The following AQP4 variants were observed in gnomAD, a reference collection of about 807,000 sequenced individuals.
AQP4 encodes the protein aquaporin-4.
In AQP4, 18 loss-of-function variants were observed where a neutral mutation model predicts 27.8. The ratio of observed to expected loss-of-function variants is 0.65; its 90% CI spans 0.45 to 0.96. The LOEUF is 0.96. Among genes scored for constraint, AQP4 ranks in the 40% least tolerant of loss-of-function variants. AQP4 has a pLI of 0.00. For missense variants in AQP4, 412 were observed against 408.2 expected (o/e 1.01, Z -0.08); for synonymous variants, 141 against 142.9 (o/e 0.99, Z 0.10).
In AQP4 at chr18:26,862,366, A is replaced by G; in HGVS notation, c.263T>C (p.Phe88Ser). ...GATGTGGCCACCGCTGATATGGCCA[A>G]AGCACTGCACCATGGTTGCAATGCT... ...GLSIATMVQC[F>S]GHISGGHINP... The change falls in exon 2 of 5, where the codon TTT becomes TCT. Residue 88 changes from phenylalanine (F) to serine (S), a missense_variant. Physicochemically the swap from Phe to Ser is radical, Grantham distance 155. Transcript: ENST00000383168. The G allele has an allele frequency of 6.2e-7, 1 of 1,614,202 alleles. No homozygotes were observed. The highest frequency in any genetic ancestry group is 8.5e-7 in the Non-Finnish European group (1 of 1,180,030).
rs1269184842 is a variant in AQP4, at chr18:26,853,360, T to C, written c.*2851A>G. On this transcript the variant is annotated 3_prime_UTR_variant, in exon 5 of 5. Coordinates refer to ENST00000383168, the MANE Select transcript of AQP4 (RefSeq NM_001650.7). ...TTGAAGAAAATGTTATCTTCAACAA[T>C]GGAAACATACATTGAAATTCTGGTC... The C allele has an allele frequency of 6.5e-6, 1 of 152,846 alleles. No individual in the cohort carries two copies. The highest frequency in any genetic ancestry group is 1.5e-5 in the Non-Finnish European group (1 of 68,502). The allele number at this position is 152,846 out of a possible 1,614,324, so 9.5% of individuals were successfully genotyped here.
rs56027623 is a variant in AQP4, at chr18:26,863,994, T to TGG, written c.33-1400_33-1399dup. 7.7e-3 allele frequency among the ~76,000 whole-genome samples: 1,121 copies of TGG among 146,010 alleles called. 4 individuals are homozygous for TGG. The highest frequency in any genetic ancestry group is 0.011 in the African/African-American group (446 of 38,900). ...CAGGAAATGGCTAGGATTCCCCTTT[T>TGG]GGGGGGGGGGGGCAATTACCCCAGT... On this transcript the variant is annotated intron_variant, in intron 1 of 4. Coordinates refer to ENST00000383168, the MANE Select transcript of AQP4 (RefSeq NM_001650.7).
At chr18:26,859,257 C>A (rs951227148) in intron 4 of AQP4, among the ~76,000 whole-genome samples, 1 of 152,226 alleles carries the variant, frequency 6.6e-6, no homozygotes, top group Non-Finnish European at 1.5e-5. Flanking sequence ...CTGTGGCTCA[C>A]GCCTGTAATC....
rs1233277666 is a variant in AQP4, at chr18:26,862,234, A to G, written c.395T>C (p.Ile132Thr). 2 of 1,614,106 alleles carry G rather than the reference A, an allele frequency of 1.2e-6. No individual in the cohort carries two copies. Among genetic ancestry groups the G allele is most frequent in the Admixed American group, 3.3e-5 (2 of 60,016 alleles). Residue 132 changes from isoleucine (I) to threonine (T), a missense_variant, in exon 2 of 5, where the codon ATC (isoleucine) becomes ACC (threonine). Ile to Thr is a moderately conservative substitution (Grantham distance 89, BLOSUM62 -1). Coordinates refer to ENST00000383168, the MANE Select transcript of AQP4 (RefSeq NM_001650.7). The stretch of plus-strand genomic sequence containing the variant: ...ACTGGGAGGTGTGACCAGATAGAGG[A>G]TTCCTGCTCCAATGATGGCCCCCAG... Reference protein sequence around the residue: ...QCLGAIIGAGILYLVTPPSVV... With the variant: ...QCLGAIIGAGTLYLVTPPSVV...
At chr18:26,858,302 T>G (rs78945791) in intron 4 of AQP4, among the ~76,000 whole-genome samples, 1,769 of 152,018 alleles carry the variant, frequency 0.012, 41 homozygotes, top group African/African-American at 0.039. Flanking sequence ...ACAAACAAAA[T>G]GAAAACCTCT....
Position 26,852,794 on chromosome 18 carries a change from A to G in AQP4, c.*3417T>C, listed in dbSNP as rs1380660704. 2 of 398,418 alleles carry G rather than the reference A, an allele frequency of 5.0e-6. No homozygotes were observed. The highest frequency in any genetic ancestry group is 2.1e-5 in the African/African-American group (1 of 48,646). 24.7% of individuals were successfully genotyped at this position (398,418 alleles called of 1,614,324 possible). ...AATGTTCTGAATTTGCAAATTCTATAGTGCTTATGAGAATTTATATTGGCT... is the reference window on the plus strand; with the variant it reads ...AATGTTCTGAATTTGCAAATTCTATGGTGCTTATGAGAATTTATATTGGCT... On this transcript the variant is annotated 3_prime_UTR_variant, in exon 5 of 5. Transcript: ENST00000383168.
intron 3 of AQP4, 82 bp from the exon 4 acceptor site, chr18:26,860,934 T>A: frequency 1.4e-6 from 2 of 1,474,404 alleles, no homozygotes; most frequent in South Asian, 2.3e-5. Flanking sequence ...TTGCTGTCAT[T>A]TGTCACTTAG....
At chr18:26,865,567 C>T (rs927405270) in intron 1 of AQP4, 91 bp downstream of exon 1, 1 of 1,547,876 alleles carries the variant, frequency 6.5e-7, no homozygotes, top group African/African-American at 1.4e-5. Context: ...CTTCCAGATT[C>T]TGCCTAAGAA....
chr18:26,865,541 C>G, intron 1 of AQP4, 117 bp downstream of exon 1: 1 of 1,309,264 alleles, frequency 7.6e-7, no homozygotes, highest in Non-Finnish European at 1.1e-6. Context: ...GAACCACCCA[C>G]CTGCCCTATA....
intron 1 of AQP4, 66 bp downstream of exon 1, chr18:26,865,592 T>C: frequency 6.2e-7 from 1 of 1,605,446 alleles, no homozygotes; most frequent in Non-Finnish European, 8.5e-7. Context: ...CAAACATCTA[T>C]AATAAAAGAG....
chr18:26,859,951 A>G (rs74648296), intron 4 of AQP4, among the ~76,000 whole-genome samples: 4,132 of 152,268 alleles, frequency 0.027, 186 homozygotes, highest in African/African-American at 0.095. Context: ...TCATATTTTT[A>G]TTGGCTATTG....
At position 26,852,232 on chromosome 18, in the gene AQP4, A is replaced by C. The variant is rs1470809917; in HGVS notation, c.*3979T>G. On this transcript the variant is annotated 3_prime_UTR_variant, in exon 5 of 5. Coordinates refer to ENST00000383168, the MANE Select transcript of AQP4 (RefSeq NM_001650.7). ...CATTTAAGTTAATAAATAACTGTGA[A>C]TATAACCATATGTTCAGTCTATTCT... 3 of 152,182 alleles carry C rather than the reference A, an allele frequency of 2.0e-5. No homozygotes were observed. The highest frequency in any genetic ancestry group is 7.2e-5 in the African/African-American group (3 of 41,452). The allele number at this position is 152,182 out of a possible 1,614,324, so 9.4% of individuals were successfully genotyped here.
chr18:26,862,836 G>C (rs1257551019), intron 1 of AQP4: 2 of 588,704 alleles, frequency 3.4e-6, no homozygotes, highest in Non-Finnish European at 6.0e-6. Context: ...TATCCAAACT[G>C]TCCCTAGAAA....
intron 1 of AQP4, among the ~76,000 whole-genome samples, chr18:26,864,308 G>A (rs1306011539): frequency 6.6e-6 from 1 of 152,164 alleles, no homozygotes; most frequent in South Asian, 2.1e-4. Flanking sequence ...GCTCAGCCTA[G>A]CCCTTAGTTT....
At position 26,855,528 on chromosome 18, in the gene AQP4, TG is replaced by T. The variant is rs1415231650; in HGVS notation, c.*682del. 6.6e-6 allele frequency: 1 copy of T among 152,490 alleles called. No individual in the cohort carries two copies. The highest frequency in any genetic ancestry group is 2.4e-5 in the African/African-American group (1 of 41,436). The allele number at this position is 152,490 out of a possible 1,614,324, so 9.4% of individuals were successfully genotyped here. On this transcript the variant is annotated 3_prime_UTR_variant, in exon 5 of 5. Coordinates refer to ENST00000383168, the MANE Select transcript of AQP4 (RefSeq NM_001650.7). ...AATCTCAATAGGTGCCCTTATGATT[TG>T]GGAAGGATTTCTGAATATTCTTTTC...
At position 26,856,005 on chromosome 18, in the gene AQP4, C is replaced by A; in HGVS notation, c.*206G>T. On this transcript the variant is annotated 3_prime_UTR_variant, in exon 5 of 5. Coordinates refer to ENST00000383168, the MANE Select transcript of AQP4 (RefSeq NM_001650.7). ...GCTTAAGAACATTTTAAAAATATTTCTTTTTTTAGATTTGGAATTCACAAT... is the reference window on the plus strand; with the variant it reads ...GCTTAAGAACATTTTAAAAATATTTATTTTTTTAGATTTGGAATTCACAAT... 1.6e-6 allele frequency: 1 copy of A among 635,510 alleles called. No individual in the cohort carries two copies. The highest frequency in any genetic ancestry group is 1.8e-5 in the African/African-American group (1 of 54,478). The allele number at this position is 635,510 out of a possible 1,614,324, so 39.4% of individuals were successfully genotyped here. A position where few individuals can be genotyped will look rare whatever the true frequency, so the allele number is the denominator to read the frequency against.
intron 4 of AQP4, 141 bp from the exon 5 acceptor site, chr18:26,856,630 TAAG>T (rs1435332428): frequency 1.1e-6 from 1 of 950,882 alleles, no homozygotes; most frequent in East Asian, 2.6e-5. Flanking sequence ...GGAGAGGAAA[TAAG>T]AAAACACACC....
Position 26,852,822 on chromosome 18 carries a change from T to C in AQP4, c.*3389A>G, listed in dbSNP as rs1481008552. ...GCTTATGAGAATTTATATTGGCTTT[T>C]ATATTGTTTGATAAGGTTGTCTGTG... is the stretch of plus-strand genomic sequence containing the variant. On this transcript the variant is annotated 3_prime_UTR_variant, in exon 5 of 5. Transcript: ENST00000383168. 1.0e-5 allele frequency: 4 copies of C among 398,462 alleles called. No homozygotes were observed. The highest frequency in any genetic ancestry group is 1.8e-5 in the Non-Finnish European group (4 of 226,028). The allele number at this position is 398,462 out of a possible 1,614,324, so 24.7% of individuals were successfully genotyped here.
chr18:26,865,657 C>T lies in AQP4; in HGVS notation c.32+1G>A, dbSNP rs750966881. 1 of 1,614,162 alleles carries T rather than the reference C, an allele frequency of 6.2e-7. No individual in the cohort carries two copies. Among genetic ancestry groups the T allele is most frequent in the Non-Finnish European group, 8.5e-7 (1 of 1,180,014 alleles). ...TTCCCTTAAGGCAAAGAAGGACTTA[C>T]CCCCACCGCCTTGCTGTGGGTCTGT... On this transcript the variant is annotated splice_donor_variant, in intron 1 of 4. Transcript: ENST00000383168. LOFTEE classifies it high-confidence loss of function.
Sources: gnomAD v4.1 joint callset for allele counts (sites outside exome capture counted in the v4.1 genomes callset) on GRCh38, gnomAD v4.1.1 for gene constraint, MANE v1.5 for transcripts, NCBI Gene and HGNC (gene_info 2026-07-23, HGNC 2026-07-21) for gene names.